The following PLEKHH2 variants were observed in gnomAD, a reference collection of about 807,000 sequenced individuals.
PLEKHH2 encodes pleckstrin homology domain-containing family H member 2.
PLEKHH2 carries 129 observed loss-of-function variants against 187.9 expected under a neutral mutation model. That is an observed-to-expected ratio of 0.69 (90% CI 0.59 to 0.79). The LOEUF (loss-of-function observed/expected upper bound fraction) is 0.79. Among genes scored for constraint, PLEKHH2 ranks in the 30% least tolerant of loss-of-function variants. The pLI, the probability that PLEKHH2 is intolerant of heterozygous loss-of-function variation, is 0.00. For missense variants in PLEKHH2, 2,076 were observed against 1,751.2 expected (o/e 1.19, Z -3.31); for synonymous variants, 686 against 605.6 (o/e 1.13, Z -1.95).
chr2:43,673,993 T>G (rs1667607672), intron 2 of PLEKHH2, among the ~76,000 whole-genome samples: 1 of 152,120 alleles, frequency 6.6e-6, no homozygotes, highest in Non-Finnish European at 1.5e-5. Context: ...AGAAAAAAAG[T>G]TATTTGGCAG....
intron 27 of PLEKHH2, among the ~76,000 whole-genome samples, chr2:43,761,766 C>T (rs1433955434): frequency 6.6e-6 from 1 of 152,122 alleles, no homozygotes; most frequent in Non-Finnish European, 1.5e-5. Flanking sequence ...TTTCTCATTA[C>T]TATTGATTAC....
At chr2:43,670,989 CTT>C (rs756059732) in intron 2 of PLEKHH2, among the ~76,000 whole-genome samples, 2 of 142,970 alleles carry the variant, frequency 1.4e-5, no homozygotes, top group African/African-American at 2.6e-5. Context: ...TTTTTTTTAA[CTT>C]TTTTTTTTTT....
intron 2 of PLEKHH2, among the ~76,000 whole-genome samples, chr2:43,649,360 AAGGG>A (rs1666356830): frequency 6.6e-6 from 1 of 152,224 alleles, no homozygotes; most frequent in African/African-American, 2.4e-5. Flanking sequence ...GTGAAAAGGA[AAGGG>A]AGAAAAATAT....
At chr2:43,676,447 T>C (rs1667796507) in intron 2 of PLEKHH2, 1 of 688,230 alleles carries the variant, frequency 1.5e-6, no homozygotes, top group Non-Finnish European at 2.3e-6. Context: ...GGAGGTCGCT[T>C]CTCGGTGGCG....
At chr2:43,752,895 C>T (rs567711336) in intron 24 of PLEKHH2, among the ~76,000 whole-genome samples, 5 of 152,246 alleles carry the variant, frequency 3.3e-5, no homozygotes, top group African/African-American at 1.2e-4. Flanking sequence ...TATTTTTGAG[C>T]CCCTAAAGCT....
At position 43,764,388 on chromosome 2, in the gene PLEKHH2, A is replaced by G. The variant is rs779526681; in HGVS notation, c.4296+23A>G. 3 of 1,608,756 alleles carry G rather than the reference A, an allele frequency of 1.9e-6. No homozygotes were observed. The South Asian group carries it at 3.3e-5, about 18-fold the overall frequency. Reference sequence around the variant, plus strand: ...AAGGTGAGTAGAAGCCTTTCTGCCAACTTTTTTGTCCTAGTTGTTTTCACT... The same window carrying G: ...AAGGTGAGTAGAAGCCTTTCTGCCAGCTTTTTTGTCCTAGTTGTTTTCACT... On this transcript the variant is annotated intron_variant, in intron 29 of 29. Transcript: ENST00000282406.
chr2:43,708,968 T>C (rs1167818878), intron 11 of PLEKHH2, among the ~76,000 whole-genome samples: 3 of 152,226 alleles, frequency 2.0e-5, no homozygotes, highest in Admixed American at 1.3e-4. Flanking sequence ...CCCTTAAATG[T>C]TAATACATAT....
intron 2 of PLEKHH2, chr2:43,658,663 C>G (rs1195526941): frequency 6.6e-6 from 1 of 152,198 alleles, no homozygotes; most frequent in African/African-American, 2.4e-5. Flanking sequence ...GATGTCTCCA[C>G]AGGACTGCTT....
At chr2:43,665,938 C>T (rs1039118683) in intron 2 of PLEKHH2, among the ~76,000 whole-genome samples, 3 of 125,358 alleles carry the variant, frequency 2.4e-5, no homozygotes, top group African/African-American at 9.7e-5. Context: ...TTTGTCTGTG[C>T]CCTGCCCCCA....
chr2:43,754,191 C>A (rs1312569564), intron 25 of PLEKHH2, among the ~76,000 whole-genome samples: 1 of 124,362 alleles, frequency 8.0e-6, no homozygotes, highest in Non-Finnish European at 1.6e-5. Flanking sequence ...CACACACACA[C>A]ACACACACAC....
chr2:43,694,103 T>C (rs1411319209), intron 4 of PLEKHH2, among the ~76,000 whole-genome samples: 1 of 152,164 alleles, frequency 6.6e-6, no homozygotes, highest in Non-Finnish European at 1.5e-5. Context: ...TATTCTCTTC[T>C]CCCCAACGTG....
chr2:43,659,249 A>T (rs1666946928), intron 2 of PLEKHH2, among the ~76,000 whole-genome samples: 1 of 151,446 alleles, frequency 6.6e-6, no homozygotes, highest in Non-Finnish European at 1.5e-5. Flanking sequence ...TGCCTGCCTC[A>T]GCCTCCCAAA....
At chr2:43,736,439 T>C (rs1671297923) in intron 19 of PLEKHH2, among the ~76,000 whole-genome samples, 1 of 152,104 alleles carries the variant, frequency 6.6e-6, no homozygotes, top group Non-Finnish European at 1.5e-5. Flanking sequence ...TCTGGAGAGA[T>C]TCAAGACTGC....
At chr2:43,702,332 A>G (rs769963135) in intron 8 of PLEKHH2, among the ~76,000 whole-genome samples, 4 of 152,140 alleles carry the variant, frequency 2.6e-5, no homozygotes, top group Non-Finnish European at 4.4e-5. Flanking sequence ...TCCACATGAA[A>G]CCTTCTGTAG....
At chr2:43,716,299 T>C (rs1392807923) in intron 15 of PLEKHH2, among the ~76,000 whole-genome samples, 1 of 152,150 alleles carries the variant, frequency 6.6e-6, no homozygotes, top group Admixed American at 6.5e-5. Context: ...GGGCTGAAAC[T>C]GGAGGAAAAG....
intron 1 of PLEKHH2, among the ~76,000 whole-genome samples, chr2:43,639,653 T>A (rs1703276755): frequency 2.8e-5 from 1 of 35,186 alleles, no homozygotes; most frequent in Non-Finnish European, 7.3e-5. Context: ...TGTACCACTT[T>A]TTTTTTTTTT....
At chr2:43,687,052 A>G (rs1668558700) in intron 3 of PLEKHH2, among the ~76,000 whole-genome samples, 1 of 152,092 alleles carries the variant, frequency 6.6e-6, no homozygotes, top group East Asian at 1.9e-4. Context: ...CTACATGGTT[A>G]TATTACGTGA....
chr2:43,670,460 A>G (rs1434869303), intron 2 of PLEKHH2, among the ~76,000 whole-genome samples: 1 of 152,162 alleles, frequency 6.6e-6, no homozygotes, highest in African/African-American at 2.4e-5. Flanking sequence ...AGATAGAGTA[A>G]ACCAATAAAA....
chr2:43,702,078 G>T (rs193032022), intron 8 of PLEKHH2, among the ~76,000 whole-genome samples: 1 of 152,254 alleles, frequency 6.6e-6, no homozygotes, highest in African/African-American at 2.4e-5. Flanking sequence ...GGTCTGAAAT[G>T]ATCTGTTATA....
Sources: gnomAD v4.1 joint callset for allele counts (sites outside exome capture counted in the v4.1 genomes callset) on GRCh38, gnomAD v4.1.1 for gene constraint, MANE v1.5 for transcripts, NCBI Gene and HGNC (gene_info 2026-07-23, HGNC 2026-07-21) for gene names.